Variants in SYNPR observed in about 807,000 individuals in gnomAD.
SYNPR encodes the protein synaptoporin.
A neutral mutation model predicts 32.9 loss-of-function variants in SYNPR; 23 were observed. The observed-to-expected ratio is 0.70, with a 90% CI of 0.50 to 0.99. The LOEUF is 0.99. Ranked by LOEUF, SYNPR falls within the 50% of genes least tolerant of loss-of-function variation. The pLI is 0.00. For missense variants in SYNPR, 318 were observed against 349.3 expected (o/e 0.91, Z 0.71); for synonymous variants, 146 against 135.9 (o/e 1.07, Z -0.52).
chr3:63,508,270 A>T (rs1269083190), intron 3 of SYNPR, among the ~76,000 whole-genome samples: 2 of 152,140 alleles, frequency 1.3e-5, no homozygotes, highest in Non-Finnish European at 2.9e-5. Flanking sequence ...GAATTTATAT[A>T]TTCCAGGTAT....
At chr3:63,544,380 T>C (rs1324761648) in intron 3 of SYNPR, among the ~76,000 whole-genome samples, 1 of 152,136 alleles carries the variant, frequency 6.6e-6, no homozygotes, top group Non-Finnish European at 1.5e-5. Flanking sequence ...ATGGTGATAT[T>C]AATCACTAAA....
intron 2 of SYNPR, among the ~76,000 whole-genome samples, chr3:63,367,954 AG>A (rs1450857012): frequency 6.6e-6 from 1 of 152,218 alleles, no homozygotes; most frequent in East Asian, 1.9e-4. Context: ...TTGGGTGGTA[AG>A]GATCAAGTAA....
chr3:63,391,028 C>T (rs1193383103), intron 2 of SYNPR, among the ~76,000 whole-genome samples: 1 of 152,188 alleles, frequency 6.6e-6, no homozygotes, highest in East Asian at 1.9e-4. Context: ...ATGAATTAGT[C>T]ATCATCAAAA....
At chr3:63,273,631 CAG>C (rs2086553791), upstream of SYNPR, among the ~76,000 whole-genome samples, 1 of 152,082 alleles carries the variant, frequency 6.6e-6, no homozygotes, top group African/African-American at 2.4e-5. Context: ...AATATGGAAA[CAG>C]AAATAGTAAA....
intron 2 of SYNPR, among the ~76,000 whole-genome samples, chr3:63,355,776 C>T (rs2087569180): frequency 6.6e-6 from 1 of 152,136 alleles, no homozygotes; most frequent in Non-Finnish European, 1.5e-5. Flanking sequence ...CCCTCTCCCT[C>T]TCCCCTTTGC....
At chr3:63,402,304 T>C (rs2088303061) in intron 2 of SYNPR, among the ~76,000 whole-genome samples, 1 of 152,084 alleles carries the variant, frequency 6.6e-6, no homozygotes, top group Non-Finnish European at 1.5e-5. Flanking sequence ...CCAGGCTTTG[T>C]CAGATGTCCC....
intron 4 of SYNPR, among the ~76,000 whole-genome samples, chr3:63,566,570 C>T (rs1702792313): frequency 6.6e-6 from 1 of 152,116 alleles, no homozygotes; most frequent in Non-Finnish European, 1.5e-5. Context: ...TGCTTTATTC[C>T]TATTACCCTT....
intron 2 of SYNPR, among the ~76,000 whole-genome samples, chr3:63,258,580 AG>A (rs1470068643): frequency 2.0e-5 from 3 of 152,234 alleles, no homozygotes; most frequent in Non-Finnish European, 4.4e-5. Context: ...CAGTGCGTAG[AG>A]GGAAATTTAT....
intron 3 of SYNPR, among the ~76,000 whole-genome samples, chr3:63,521,159 G>C (rs952385668): frequency 6.6e-6 from 1 of 152,128 alleles, no homozygotes; most frequent in Non-Finnish European, 1.5e-5. Flanking sequence ...TGAAGACAAT[G>C]CTTCTTCCAG....
chr3:63,454,968 C>T (rs181251860), intron 2 of SYNPR, among the ~76,000 whole-genome samples: 14 of 152,164 alleles, frequency 9.2e-5, no homozygotes, highest in East Asian at 1.9e-4. Context: ...TAGGTTATAA[C>T]GGAATTTTCC....
At chr3:63,217,091 G>A in the SYNPR span, among the ~76,000 whole-genome samples, 1 of 26,980 alleles carries the variant, frequency 3.7e-5, no homozygotes, top group East Asian at 3.6e-4. Flanking sequence ...TGCGTGCTGG[G>A]AGAACCACTG....
intron 2 of SYNPR, among the ~76,000 whole-genome samples, chr3:63,264,987 G>A (rs1274738754): frequency 6.6e-6 from 1 of 151,882 alleles, no homozygotes; most frequent in African/African-American, 2.4e-5. Flanking sequence ...GGGATTATGG[G>A]GATTAAAATG....
intron 3 of SYNPR, among the ~76,000 whole-genome samples, chr3:63,481,871 G>A (rs1389262118): frequency 6.6e-6 from 1 of 152,116 alleles, no homozygotes. Context: ...CAGCGGGGCT[G>A]GGATGCTTGG....
intron 4 of SYNPR, among the ~76,000 whole-genome samples, chr3:63,589,627 C>G (rs894462746): frequency 6.6e-6 from 1 of 150,944 alleles, no homozygotes; most frequent in African/African-American, 2.4e-5. Flanking sequence ...GGGCTTCATC[C>G]CTGGGATGCA....
At chr3:63,330,248 T>A (rs1398336213) in intron 2 of SYNPR, 1 of 152,140 alleles carries the variant, frequency 6.6e-6, no homozygotes, top group Admixed American at 6.5e-5. Context: ...GGTGCATTCT[T>A]CTGGAATACA....
At chr3:63,552,194 G>A (rs763544901) in intron 3 of SYNPR, among the ~76,000 whole-genome samples, 12 of 152,054 alleles carry the variant, frequency 7.9e-5, no homozygotes, top group East Asian at 3.9e-4. Context: ...CACCGCACCC[G>A]GCCGCATCTG....
intron 4 of SYNPR, among the ~76,000 whole-genome samples, chr3:63,558,877 A>G (rs1160734030): frequency 2.6e-5 from 4 of 152,074 alleles, no homozygotes; most frequent in Non-Finnish European, 4.4e-5. Flanking sequence ...ATATTGTGCT[A>G]TAATTCTGTG....
At position 63,535,731 on chromosome 3, in the gene SYNPR, C is replaced by CA. The variant is rs3083192; in HGVS notation, c.210-20799dup. Among the ~76,000 whole-genome samples the CA allele has an allele frequency of 3.0e-3, 408 of 137,794 alleles. 1 individual carries two copies. The highest frequency in any genetic ancestry group is 0.011 in the Middle Eastern group (3 of 278). 90.4% of individuals were successfully genotyped at this position (137,794 alleles called of 152,430 possible). ...GCTGAGACAACTGAATATCCACATG[C>CA]AAAAAAAAAAAAATGAAGTTGGCGC... On this transcript the variant is annotated intron_variant, in intron 3 of 5. Transcript: ENST00000478300.
chr3:63,515,749 C>A (rs1197041648), intron 3 of SYNPR, among the ~76,000 whole-genome samples: 1 of 152,036 alleles, frequency 6.6e-6, no homozygotes, highest in African/African-American at 2.4e-5. Context: ...CAGAAGGCAC[C>A]TGAATGAAAA....
Sources: gnomAD v4.1 joint callset for allele counts (sites outside exome capture counted in the v4.1 genomes callset) on GRCh38, gnomAD v4.1.1 for gene constraint, MANE v1.5 for transcripts, NCBI Gene and HGNC (gene_info 2026-07-23, HGNC 2026-07-21) for gene names.